The following SETBP1 variants were observed in gnomAD, a reference collection of about 807,000 sequenced individuals.
SETBP1 encodes SET binding protein 1.
SETBP1 carries 9 observed loss-of-function variants against 101.0 expected under a neutral mutation model. That is an observed-to-expected ratio of 0.09 (90% CI 0.05 to 0.16). SETBP1 has a LOEUF of 0.16. Among genes scored for constraint, SETBP1 ranks in the 10% least tolerant of loss-of-function variants. The probability of loss-of-function intolerance (pLI) is 1.00; values close to 1 mark genes in which losing one functional copy is unlikely to be tolerated. For missense variants in SETBP1, 1,858 were observed against 2,033.8 expected (o/e 0.91, Z 1.66); for synonymous variants, 818 against 788.5 (o/e 1.04, Z -0.63).
At chr18:44,816,229 A>G (rs1416378215) in intron 2 of SETBP1, among the ~76,000 whole-genome samples, 2 of 152,130 alleles carry the variant, frequency 1.3e-5, no homozygotes, top group Admixed American at 6.5e-5. Flanking sequence ...CTGCCTGGGA[A>G]TCTACTCATG....
chr18:44,967,647 G>C (rs1302566373), intron 4 of SETBP1, among the ~76,000 whole-genome samples: 1 of 152,130 alleles, frequency 6.6e-6, no homozygotes, highest in Non-Finnish European at 1.5e-5. Context: ...TCTAATTGTT[G>C]ATCCACTCAG....
At chr18:44,847,380 G>A (rs1225365395) in intron 2 of SETBP1, among the ~76,000 whole-genome samples, 6 of 152,148 alleles carry the variant, frequency 3.9e-5, no homozygotes, top group East Asian at 1.9e-4. Context: ...CCTTTCCTCC[G>A]TGCCTTCTGG....
intron 4 of SETBP1, among the ~76,000 whole-genome samples, chr18:45,025,669 T>A (rs772973562): frequency 2.0e-5 from 3 of 152,182 alleles, no homozygotes; most frequent in Non-Finnish European, 4.4e-5. Context: ...AATAAAGCAC[T>A]TAAAACAATG....
intron 2 of SETBP1, among the ~76,000 whole-genome samples, chr18:44,764,100 C>G (rs1314849302): frequency 6.6e-6 from 1 of 152,238 alleles, no homozygotes; most frequent in Non-Finnish European, 1.5e-5. Flanking sequence ...TCCAAACCCT[C>G]CCATGGCTCC....
chr18:44,761,875 G>A (rs1413055033), intron 2 of SETBP1, among the ~76,000 whole-genome samples: 1 of 152,178 alleles, frequency 6.6e-6, no homozygotes, highest in Non-Finnish European at 1.5e-5. Flanking sequence ...CTTGTTTATA[G>A]GTTTTTTGAT....
At chr18:44,792,291 T>C (rs1372641946) in intron 2 of SETBP1, among the ~76,000 whole-genome samples, 3 of 152,136 alleles carry the variant, frequency 2.0e-5, no homozygotes, top group Non-Finnish European at 2.9e-5. Flanking sequence ...GAAAGGTCTT[T>C]GTGTTTATGT....
chr18:44,927,404 A>G (rs924621606), intron 3 of SETBP1, among the ~76,000 whole-genome samples: 1 of 152,128 alleles, frequency 6.6e-6, no homozygotes, highest in Non-Finnish European at 1.5e-5. Flanking sequence ...GCATGTCAGC[A>G]CCCTCACCCC....
intron 2 of SETBP1, among the ~76,000 whole-genome samples, chr18:44,791,595 G>T (rs559701715): frequency 1.1e-4 from 16 of 152,238 alleles, no homozygotes; most frequent in African/African-American, 3.1e-4. Flanking sequence ...GCATTTAGGA[G>T]AAATTTCCAT....
chr18:44,739,481 A>G (rs1395194393), intron 2 of SETBP1, among the ~76,000 whole-genome samples: 2 of 152,214 alleles, frequency 1.3e-5, no homozygotes, highest in African/African-American at 4.8e-5. Context: ...GCAATTTGCT[A>G]TAATTTGTAG....
intron 5 of SETBP1, among the ~76,000 whole-genome samples, chr18:45,039,945 G>C (rs993751852): frequency 1.3e-5 from 2 of 152,190 alleles, no homozygotes; most frequent in African/African-American, 4.8e-5. Context: ...TGGAAAAGTA[G>C]GTGTAGGAAA....
chr18:44,977,738 C>T (rs1221579828), intron 4 of SETBP1, among the ~76,000 whole-genome samples: 4 of 152,158 alleles, frequency 2.6e-5, no homozygotes, highest in Admixed American at 6.5e-5. Context: ...CCAATGTGGC[C>T]GATAAACATG....
chr18:44,701,076 T>C (rs536350184), intron 1 of SETBP1, 99 bp from the exon 2 acceptor site: 1 of 354,594 alleles, frequency 2.8e-6, no homozygotes, highest in Non-Finnish European at 5.1e-6. Flanking sequence ...TTTTTCCGGA[T>C]GCCATAGATA....
At chr18:44,868,732 A>T (rs1241721043) in intron 2 of SETBP1, among the ~76,000 whole-genome samples, 1 of 55,216 alleles carries the variant, frequency 1.8e-5, no homozygotes, top group East Asian at 4.6e-4. Context: ...GGAAGGAAGG[A>T]AGGAAGGAAG....
chr18:44,729,316 C>G (rs1284875103), intron 2 of SETBP1, among the ~76,000 whole-genome samples: 1 of 152,162 alleles, frequency 6.6e-6, no homozygotes. Flanking sequence ...GGGAGAGAGA[C>G]TGGAGCAAGA....
intron 4 of SETBP1, among the ~76,000 whole-genome samples, chr18:44,971,039 C>A (rs2071842641): frequency 6.6e-6 from 1 of 151,340 alleles, no homozygotes; most frequent in African/African-American, 2.4e-5. Flanking sequence ...CCCCACCCCA[C>A]AACAGGCCCC....
At position 44,889,447 on chromosome 18, in the gene SETBP1, A is replaced by G. The variant is rs1368735663; in HGVS notation, c.540+20164A>G. Among the ~76,000 whole-genome samples, 5 of 152,166 alleles carry G rather than the reference A, an allele frequency of 3.3e-5. No homozygotes were observed. The East Asian group carries it at 9.6e-4, about 29-fold the overall frequency. On this transcript the variant is annotated intron_variant, in intron 3 of 5. Coordinates refer to ENST00000649279, the MANE Select transcript of SETBP1 (RefSeq NM_015559.3). ...ACTGTTTTGATTCCCTGCAGAGTTC[A>G]GTTTGGCCCCAGTCATGTGGGGAGT...
chr18:44,995,084 A>G (rs1193120217), intron 4 of SETBP1, among the ~76,000 whole-genome samples: 1 of 151,852 alleles, frequency 6.6e-6, no homozygotes, highest in Non-Finnish European at 1.5e-5. Context: ...GGTATTGGCA[A>G]TATAATGTGT....
intron 2 of SETBP1, among the ~76,000 whole-genome samples, chr18:44,783,231 G>T (rs979534903): frequency 3.9e-5 from 6 of 152,198 alleles, no homozygotes; most frequent in Non-Finnish European, 8.8e-5. Flanking sequence ...CAGATAAGAA[G>T]TGCCCTGCAC....
chr18:44,937,618 T>C (rs1649978708), intron 3 of SETBP1, among the ~76,000 whole-genome samples: 1 of 152,136 alleles, frequency 6.6e-6, no homozygotes, highest in Non-Finnish European at 1.5e-5. Flanking sequence ...GCCTTTCAGC[T>C]ACTCCTTAGA....
Sources: allele counts gnomAD v4.1 joint callset (sites outside exome capture counted in the v4.1 genomes callset), GRCh38; gene constraint gnomAD v4.1.1; transcripts MANE v1.5; gene names NCBI Gene and HGNC (gene_info 2026-07-23, HGNC 2026-07-21).